BICC1: variants seen among roughly 807,000 people sequenced by gnomAD.
The protein encoded by BICC1 is BicC family RNA binding protein 1, also known as protein bicaudal C homolog 1.
In BICC1, 43 loss-of-function variants were observed where a neutral mutation model predicts 111.0. The ratio of observed to expected loss-of-function variants is 0.39; its 90% CI spans 0.30 to 0.50. The LOEUF (loss-of-function observed/expected upper bound fraction) is 0.50, where lower values mean the gene tolerates loss of function less well. Ranked by LOEUF, BICC1 falls within the 20% of genes least tolerant of loss-of-function variation. The pLI is 0.88. For missense variants in BICC1, 1,091 were observed against 1,203.2 expected (o/e 0.91, Z 1.38); for synonymous variants, 467 against 434.4 (o/e 1.07, Z -0.93).
intron 1 of BICC1, among the ~76,000 whole-genome samples, chr10:58,581,970 A>G (rs1844294533): frequency 6.6e-6 from 1 of 152,038 alleles, no homozygotes; most frequent in Admixed American, 6.6e-5. Flanking sequence ...CACCACCCCA[A>G]GGTCATCTGT....
intron 9 of BICC1, among the ~76,000 whole-genome samples, chr10:58,795,013 G>A (rs1843306672): frequency 6.6e-6 from 1 of 152,130 alleles, no homozygotes; most frequent in African/African-American, 2.4e-5. Flanking sequence ...ACATTTTTAA[G>A]TATAAAGCAT....
At chr10:58,547,994 G>C (rs967099220) in intron 1 of BICC1, among the ~76,000 whole-genome samples, 1 of 152,162 alleles carries the variant, frequency 6.6e-6, no homozygotes, top group Non-Finnish European at 1.5e-5. Flanking sequence ...TTGCTACTGG[G>C]ATGTGTTGCT....
intron 8 of BICC1, among the ~76,000 whole-genome samples, chr10:58,790,677 T>G (rs1055475110): frequency 3.9e-5 from 6 of 152,010 alleles, no homozygotes. Flanking sequence ...AATATAAAAA[T>G]TAGCCAATGC....
intron 1 of BICC1, 72 bp downstream of exon 1, chr10:58,513,405 C>A: frequency 7.3e-7 from 1 of 1,372,666 alleles, no homozygotes; most frequent in Non-Finnish European, 9.6e-7. Context: ...CCACCGCGCG[C>A]TCCGGCGCCC....
chr10:58,543,083 A>G (rs1843039174), intron 1 of BICC1, among the ~76,000 whole-genome samples: 1 of 152,188 alleles, frequency 6.6e-6, no homozygotes, highest in Non-Finnish European at 1.5e-5. Context: ...GCATTGCAGC[A>G]TTATTTCCAG....
intron 1 of BICC1, among the ~76,000 whole-genome samples, chr10:58,594,799 A>G (rs907513251): frequency 6.6e-6 from 1 of 152,222 alleles, no homozygotes; most frequent in Non-Finnish European, 1.5e-5. Flanking sequence ...CATCGACAAC[A>G]TAAAGAAACT....
intron 18 of BICC1, among the ~76,000 whole-genome samples, chr10:58,814,795 CA>C (rs558356892): frequency 4.8e-4 from 67 of 139,538 alleles, no homozygotes; most frequent in South Asian, 3.0e-3. Context: ...GACCCTGTCT[CA>C]AAAAAAAAAA....
At chr10:58,665,756 G>A (rs746155497) in intron 2 of BICC1, among the ~76,000 whole-genome samples, 2 of 152,164 alleles carry the variant, frequency 1.3e-5, no homozygotes, top group Middle Eastern at 3.4e-3. Context: ...TAAAACCCAC[G>A]CTGTAGACCA....
At chr10:58,523,990 C>T (rs1212278402) in intron 1 of BICC1, among the ~76,000 whole-genome samples, 2 of 151,982 alleles carry the variant, frequency 1.3e-5, no homozygotes, top group African/African-American at 4.8e-5. Flanking sequence ...ATCCAACGTA[C>T]AAGGGATGTG....
At chr10:58,518,944 C>T (rs1217322613) in intron 1 of BICC1, among the ~76,000 whole-genome samples, 2 of 152,168 alleles carry the variant, frequency 1.3e-5, no homozygotes, top group East Asian at 3.9e-4. Context: ...TTGATAAATA[C>T]ATAGCTAGAG....
chr10:58,645,191 C>T (rs1275411530), intron 2 of BICC1, among the ~76,000 whole-genome samples: 1 of 151,842 alleles, frequency 6.6e-6, no homozygotes, highest in Non-Finnish European at 1.5e-5. Context: ...GGGTGGATCA[C>T]GAGGTCAGGA....
At chr10:58,690,148 A>T (rs1589025823) in intron 2 of BICC1, among the ~76,000 whole-genome samples, 1 of 152,032 alleles carries the variant, frequency 6.6e-6, no homozygotes, top group East Asian at 1.9e-4. Flanking sequence ...ACATACACAC[A>T]CCCCCTTCCT....
chr10:58,625,594 T>A (rs1198807287), intron 2 of BICC1, among the ~76,000 whole-genome samples: 1 of 152,230 alleles, frequency 6.6e-6, no homozygotes, highest in South Asian at 2.1e-4. Context: ...AAACCATGGC[T>A]TGTCACAAAG....
At chr10:58,736,771 A>G (rs570011351) in intron 3 of BICC1, among the ~76,000 whole-genome samples, 1 of 152,232 alleles carries the variant, frequency 6.6e-6, no homozygotes, top group South Asian at 2.1e-4. Flanking sequence ...TTACCAGAAG[A>G]CTTACTAAAG....
At chr10:58,586,708 C>T (rs534580422) in intron 1 of BICC1, among the ~76,000 whole-genome samples, 28 of 151,966 alleles carry the variant, frequency 1.8e-4, no homozygotes, top group African/African-American at 6.3e-4. Flanking sequence ...GACATGCATA[C>T]TACAGACTAC....
intron 3 of BICC1, among the ~76,000 whole-genome samples, chr10:58,756,169 A>G (rs1384899399): frequency 2.6e-5 from 4 of 152,082 alleles, no homozygotes; most frequent in Non-Finnish European, 4.4e-5. Context: ...CATCATCAAG[A>G]TAGAGACTTT....
At chr10:58,682,653 G>A (rs1355565081) in intron 2 of BICC1, among the ~76,000 whole-genome samples, 1 of 152,104 alleles carries the variant, frequency 6.6e-6, no homozygotes, top group Non-Finnish European at 1.5e-5. Context: ...TCATGTGTCT[G>A]TTTCATGTGT....
intron 5 of BICC1, 143 bp downstream of exon 5, chr10:58,787,224 G>T (rs1843035910): frequency 4.4e-6 from 3 of 689,032 alleles, no homozygotes; most frequent in Non-Finnish European, 4.3e-6. Flanking sequence ...ACAACTTTCT[G>T]CAAGGAAATT....
At chr10:58,606,458 G>T (rs10826204) in intron 1 of BICC1, among the ~76,000 whole-genome samples, 113,928 of 148,508 alleles carry the variant, frequency 0.77, 44,205 homozygotes, top group East Asian at 0.98. Flanking sequence ...ATATACCTAG[G>T]GCTAGATGAC....
Sources: gnomAD v4.1 joint callset for allele counts (sites outside exome capture counted in the v4.1 genomes callset) on GRCh38, gnomAD v4.1.1 for gene constraint, MANE v1.5 for transcripts, NCBI Gene and HGNC (gene_info 2026-07-23, HGNC 2026-07-21) for gene names.